CYB5R3: variants seen among roughly 807,000 people sequenced by gnomAD.
The protein encoded by CYB5R3 is NADH-cytochrome b5 reductase 3.
In CYB5R3, 28 loss-of-function variants were observed where a neutral mutation model predicts 36.5. The ratio of observed to expected loss-of-function variants is 0.77; its 90% CI spans 0.57 to 1.05. The LOEUF is 1.05. Ranked by LOEUF, CYB5R3 falls within the 50% of genes least tolerant of loss-of-function variation. The pLI is 0.00. For synonymous variants in CYB5R3, 181 were observed against 159.8 expected (o/e 1.13, Z -1.00); for missense variants, 474 against 408.9 (o/e 1.16, Z -1.37).
At chr22:42,648,729 C>A (rs1601955090) in intron 1 of CYB5R3, among the ~76,000 whole-genome samples, 1 of 152,288 alleles carries the variant, frequency 6.6e-6, no homozygotes, top group Admixed American at 6.5e-5. Context: ...CCCGTGTCAT[C>A]CGGGTTCTGT....
chr22:42,620,892 T>C (rs1927929056), intron 8 of CYB5R3, among the ~76,000 whole-genome samples: 1 of 152,188 alleles, frequency 6.6e-6, no homozygotes. Flanking sequence ...TACATTATAG[T>C]CCGTTTTTGT....
At chr22:42,647,743 T>C (rs1294564121) in intron 1 of CYB5R3, among the ~76,000 whole-genome samples, 1 of 149,536 alleles carries the variant, frequency 6.7e-6, no homozygotes, top group Non-Finnish European at 1.5e-5. Flanking sequence ...TAGCCAGGCA[T>C]ATTGGCACGT....
intron 1 of CYB5R3, among the ~76,000 whole-genome samples, chr22:42,648,852 A>AAC (rs1556036171): frequency 4.6e-4 from 70 of 151,724 alleles, no homozygotes; most frequent in Non-Finnish European, 3.1e-4. Flanking sequence ...ACACACACAC[A>AAC]CCCCATCACA....
intron 7 of CYB5R3, 107 bp downstream of exon 7, chr22:42,627,197 C>T (rs1443896767): frequency 4.1e-6 from 4 of 973,782 alleles, no homozygotes; most frequent in African/African-American, 1.6e-5. Flanking sequence ...CCGGTCATCC[C>T]CAGAATCTCA....
At chr22:42,622,034 C>T (rs1928000751) in intron 8 of CYB5R3, among the ~76,000 whole-genome samples, 3 of 152,098 alleles carry the variant, frequency 2.0e-5, no homozygotes, top group South Asian at 4.1e-4. Flanking sequence ...AGCCATTCTC[C>T]TGCCTCAGCC....
chr22:42,623,897 G>A lies in CYB5R3; in HGVS notation c.634-9C>T, dbSNP rs1338920715. The A allele has an allele frequency of 6.2e-7, 1 of 1,612,632 alleles. No individual in the cohort carries two copies. Among genetic ancestry groups the A allele is most frequent in the Non-Finnish European group, 8.5e-7 (1 of 1,178,742 alleles). On this transcript the variant is annotated splice_polypyrimidine_tract_variant and intron_variant, in intron 7 of 8. Transcript: ENST00000352397. ...AGGATGTCCTTCTCGGTCTGCAGGG[G>A]ACAGGGCCAGGCAGTCAGGAAGGAT...
At chr22:42,636,677 G>A (rs377655294) in intron 2 of CYB5R3, 38 bp downstream of exon 2, 7 of 1,604,114 alleles carry the variant, frequency 4.4e-6, no homozygotes, top group East Asian at 2.2e-5. Flanking sequence ...GGGCAATGCT[G>A]TGATGCTGAC....
rs1601924333 is a variant in CYB5R3, at chr22:42,619,338, T to G, written c.*435A>C. On this transcript the variant is annotated 3_prime_UTR_variant, in exon 9 of 9. Transcript: ENST00000352397. ...CCTGGGCCTGGCCCTGAGGCGGGAG[T>G]GGGGGTGACAGGCGAGGCTGGGGTG... The G allele has an allele frequency of 2.1e-5, 4 of 189,626 alleles. No individual in the cohort carries two copies. The highest frequency in any genetic ancestry group is 3.3e-5 in the Non-Finnish European group (3 of 89,958). 11.7% of individuals were successfully genotyped at this position (189,626 alleles called of 1,614,324 possible).
Position 42,619,840 on chromosome 22 carries a change from ATCATGGG to A in CYB5R3, c.832_838del (p.Pro278SerfsTer69). ...CAGGTTGGGAAGGCAGGCGTACTGG[ATCATGGG>A]TGGGGGGCCACACATCAGCACCAGC... On this transcript the variant is annotated frameshift_variant, in exon 9 of 9. Coordinates refer to ENST00000352397, the MANE Select transcript of CYB5R3 (RefSeq NM_000398.7). LOFTEE classifies it high-confidence loss of function. The A allele has an allele frequency of 1.9e-6, 3 of 1,604,742 alleles. No individual in the cohort carries two copies. The highest frequency in any genetic ancestry group is 1.7e-6 in the Non-Finnish European group (2 of 1,176,742).
At chr22:42,647,196 A>T (rs1171272585) in intron 1 of CYB5R3, 2 of 154,846 alleles carry the variant, frequency 1.3e-5, no homozygotes, top group African/African-American at 4.8e-5. Flanking sequence ...AGCAGCACCC[A>T]CAAAGGGTAA....
At chr22:42,628,352 A>G (rs1397395011) in intron 4 of CYB5R3, 71 bp from the exon 5 acceptor site, 2 of 1,591,306 alleles carry the variant, frequency 1.3e-6, no homozygotes. Context: ...CCACAGTGGG[A>G]GACAAGTGCC....
chr22:42,639,592 GACT>G (rs1422111180), intron 1 of CYB5R3, among the ~76,000 whole-genome samples: 86 of 149,216 alleles, frequency 5.8e-4, no homozygotes, highest in African/African-American at 2.0e-3. Flanking sequence ...CATGCCACTG[GACT>G]CCAGCCTGGG....
chr22:42,649,084 G>A (rs1295041328), intron 1 of CYB5R3, among the ~76,000 whole-genome samples: 1 of 152,176 alleles, frequency 6.6e-6, no homozygotes, highest in East Asian at 1.9e-4. Context: ...GGTCCCCGCT[G>A]CAGACTGCCA....
At chr22:42,633,863 G>C (rs1262447835) in intron 2 of CYB5R3, among the ~76,000 whole-genome samples, 2 of 152,178 alleles carry the variant, frequency 1.3e-5, no homozygotes, top group Admixed American at 6.6e-5. Context: ...CAGAAGGCTT[G>C]TGCCCAGGAG....
In CYB5R3 at chr22:42,645,423, G is replaced by A. The variant is rs1457930962; in HGVS notation, c.21+3872C>T. Among the ~76,000 whole-genome samples the A allele has an allele frequency of 4.6e-5, 7 of 152,204 alleles. No individual in the cohort carries two copies. The East Asian group carries it at 1.3e-3, about 29-fold the overall frequency. The stretch of plus-strand genomic sequence containing the variant: ...TCCTGTTTGTCAGAAAAGCCCGCTT[G>A]TCCTCCAAGAGCACAGGCCTCAGAG... On this transcript the variant is annotated intron_variant, in intron 1 of 8. Transcript: ENST00000352397.
chr22:42,623,819 G>A lies in CYB5R3; in HGVS notation c.703C>T (p.Leu235Phe), dbSNP rs1237776502. ...GGGGCTCTGTCCAGCGTGTACCAGA[G>A]CTTGAAGCGTGCAGAATGTTTGTTC... Reference protein sequence around the residue: ...LRNKHSARFKLWYTLDRAPEA... With the variant: ...LRNKHSARFKFWYTLDRAPEA... Residue 235 changes from leucine to phenylalanine, a missense_variant, in exon 8 of 9, where the codon CTC (leucine) becomes TTC (phenylalanine). Transcript: ENST00000352397. 6.2e-7 allele frequency: 1 copy of A among 1,614,062 alleles called. No individual in the cohort carries two copies. Among genetic ancestry groups the A allele is most frequent in the East Asian group, 2.2e-5 (1 of 44,900 alleles).
chr22:42,630,478 C>T (rs1928550086), intron 4 of CYB5R3, among the ~76,000 whole-genome samples: 1 of 152,250 alleles, frequency 6.6e-6, no homozygotes, highest in African/African-American at 2.4e-5. Context: ...ACTGCGCCGT[C>T]ACACCTCGCA....
intron 4 of CYB5R3, among the ~76,000 whole-genome samples, chr22:42,629,524 T>C (rs969650771): frequency 2.0e-5 from 3 of 152,140 alleles, no homozygotes; most frequent in Non-Finnish European, 2.9e-5. Context: ...CCAGTGTCCG[T>C]CCTCCAGCCA....
In CYB5R3 at chr22:42,627,289, G is replaced by A. The variant is rs201255712; in HGVS notation, c.633+15C>T. On this transcript the variant is annotated intron_variant, in intron 7 of 8. Coordinates refer to ENST00000352397, the MANE Select transcript of CYB5R3 (RefSeq NM_000398.7). The stretch of plus-strand genomic sequence containing the variant: ...GGGTAAGCTGAGTTTCCCCATCATG[G>A]GGATGCCCACTGACCTGGTTGGCAA... 4.2e-5 allele frequency: 67 copies of A among 1,612,202 alleles called. No individual in the cohort carries two copies. The East Asian group carries it at 1.4e-3, about 34-fold the overall frequency.
Sources: allele counts gnomAD v4.1 joint callset (sites outside exome capture counted in the v4.1 genomes callset), GRCh38; gene constraint gnomAD v4.1.1; transcripts MANE v1.5; gene names NCBI Gene and HGNC (gene_info 2026-07-23, HGNC 2026-07-21).